The following MNAT1 variants were observed in gnomAD, a reference collection of about 807,000 sequenced individuals.
The protein encoded by MNAT1 is MNAT1 component of CDK activating kinase, also known as CDK-activating kinase assembly factor MAT1.
In MNAT1, 43 loss-of-function variants were observed where a neutral mutation model predicts 42.0. The ratio of observed to expected loss-of-function variants is 1.02; its 90% CI spans 0.80 to 1.32. The LOEUF is 1.32. Among genes scored for constraint, MNAT1 ranks in the 40% most tolerant of loss-of-function variants. The probability of loss-of-function intolerance (pLI) is 0.00; values close to 1 mark genes in which losing one functional copy is unlikely to be tolerated. For missense variants in MNAT1, 306 were observed against 350.4 expected (o/e 0.87, Z 1.01); for synonymous variants, 118 against 120.0 (o/e 0.98, Z 0.11).
chr14:60,856,683 CTTTT>C (rs112853589), intron 6 of MNAT1, among the ~76,000 whole-genome samples: 1 of 135,252 alleles, frequency 7.4e-6, no homozygotes, highest in African/African-American at 2.7e-5. Context: ...TGCTCATTCG[CTTTT>C]TTTTTTTTTT....
At chr14:60,765,601 A>G (rs898064492) in intron 1 of MNAT1, among the ~76,000 whole-genome samples, 7 of 152,260 alleles carry the variant, frequency 4.6e-5, no homozygotes, top group African/African-American at 1.7e-4. Flanking sequence ...TAGTGACAAG[A>G]AAGCTGTATA....
Position 60,845,417 on chromosome 14 carries a change from A to G in MNAT1, c.687+26570A>G, listed in dbSNP as rs148398776. Among the ~76,000 whole-genome samples, 785 of 152,152 alleles carry G rather than the reference A, an allele frequency of 5.2e-3. 13 individuals are homozygous for G. The highest frequency in any genetic ancestry group is 0.018 in the African/African-American group (733 of 41,562). ...TATTTTCTTAATTCTTTAAATGCCT[A>G]TAAGAGTTACACTGCTAATTTTTAG... On this transcript the variant is annotated intron_variant, in intron 6 of 7. Transcript: ENST00000261245.
intron 1 of MNAT1, chr14:60,780,245 A>G: frequency 1.4e-6 from 2 of 1,440,550 alleles, no homozygotes; most frequent in East Asian, 2.3e-5. Flanking sequence ...AGTTATCTCA[A>G]ATATTGAAAG....
chr14:60,927,555 T>G (rs1306233026), intron 7 of MNAT1, among the ~76,000 whole-genome samples: 1 of 152,216 alleles, frequency 6.6e-6, no homozygotes, highest in East Asian at 1.9e-4. Flanking sequence ...TACTTGGAGT[T>G]TAATACTCTG....
chr14:60,813,327 G>T (rs2032613541), intron 5 of MNAT1, among the ~76,000 whole-genome samples: 1 of 152,190 alleles, frequency 6.6e-6, no homozygotes, highest in African/African-American at 2.4e-5. Flanking sequence ...TCACCCACGT[G>T]CTCCCTCCCA....
chr14:60,952,665 T>A (rs1427611542), intron 7 of MNAT1, among the ~76,000 whole-genome samples: 4 of 152,098 alleles, frequency 2.6e-5, no homozygotes, highest in African/African-American at 9.7e-5. Context: ...AAAGGTGAGT[T>A]CGATTATGAA....
At chr14:60,867,481 A>G (rs2139443347) in intron 6 of MNAT1, among the ~76,000 whole-genome samples, 1 of 152,184 alleles carries the variant, frequency 6.6e-6, no homozygotes, top group South Asian at 2.1e-4. Flanking sequence ...TTATTCCCAA[A>G]CATACATTCA....
At chr14:60,798,706 A>T (rs1213705131) in intron 3 of MNAT1, among the ~76,000 whole-genome samples, 4 of 152,170 alleles carry the variant, frequency 2.6e-5, no homozygotes, top group African/African-American at 9.6e-5. Context: ...GGAAGATTTT[A>T]TCAAGAAAAA....
chr14:60,871,835 C>A (rs2034331392), intron 6 of MNAT1, among the ~76,000 whole-genome samples: 1 of 152,004 alleles, frequency 6.6e-6, no homozygotes, highest in South Asian at 2.1e-4. Flanking sequence ...GTCGGCCAGG[C>A]TGGTCTTGAA....
chr14:60,783,537 C>G (rs1594750894), intron 1 of MNAT1, among the ~76,000 whole-genome samples: 1 of 152,200 alleles, frequency 6.6e-6, no homozygotes, highest in African/African-American at 2.4e-5. Context: ...TGTGCTCTAG[C>G]CCAGGCTGGA....
At chr14:60,838,070 G>T (rs1447218191) in intron 6 of MNAT1, among the ~76,000 whole-genome samples, 1 of 151,894 alleles carries the variant, frequency 6.6e-6, no homozygotes, top group Non-Finnish European at 1.5e-5. Flanking sequence ...GATCAGCCTG[G>T]CTAGAGGTTT....
intron 7 of MNAT1, among the ~76,000 whole-genome samples, chr14:60,927,417 T>C (rs1030787927): frequency 3.3e-5 from 5 of 152,178 alleles, no homozygotes; most frequent in Non-Finnish European, 7.3e-5. Flanking sequence ...GATTCAGTGA[T>C]TTTTGGTAAA....
rs185713326 is a variant in MNAT1 at position 60,764,979 on chromosome 14, G to A, written c.89+30028G>A. Among the ~76,000 whole-genome samples the A allele has an allele frequency of 1.7e-4, 26 of 152,280 alleles. 2 individuals are homozygous for A. In the East Asian group the frequency reaches 4.8e-3, roughly 28 times the overall value. On this transcript the variant is annotated intron_variant, in intron 1 of 7. Transcript: ENST00000261245. ...AGAGTTTGGAATATAGGCCAGGCGCGGTTGCTCATGCTTGTAATCCCAGCA... is the reference window on the plus strand; with the variant it reads ...AGAGTTTGGAATATAGGCCAGGCGCAGTTGCTCATGCTTGTAATCCCAGCA...
intron 1 of MNAT1, among the ~76,000 whole-genome samples, chr14:60,762,429 C>T (rs1021701985): frequency 4.6e-5 from 7 of 151,940 alleles, no homozygotes; most frequent in Admixed American, 3.9e-4. Flanking sequence ...CCTGTAATCC[C>T]AGCAATTTAG....
rs148958885 is a variant in MNAT1, at chr14:60,951,992, G to A, written c.810-16237G>A. Reference sequence around the variant, plus strand: ...CCTTTTCCACCCATGCCCCAGATGGGTTGCAAGCTTTCTTGTGACTATACC... The same window carrying A: ...CCTTTTCCACCCATGCCCCAGATGGATTGCAAGCTTTCTTGTGACTATACC... On this transcript the variant is annotated intron_variant, in intron 7 of 7. Coordinates refer to ENST00000261245, the MANE Select transcript of MNAT1 (RefSeq NM_002431.4). 3.6e-3 allele frequency among the ~76,000 whole-genome samples: 554 copies of A among 152,180 alleles called. 3 individuals carry two copies. Among genetic ancestry groups the A allele is most frequent in the Non-Finnish European group, 5.9e-3 (403 of 68,002 alleles).
At chr14:60,882,197 A>T (rs548678469) in intron 7 of MNAT1, among the ~76,000 whole-genome samples, 10 of 150,846 alleles carry the variant, frequency 6.6e-5, no homozygotes, top group Non-Finnish European at 1.3e-4. Flanking sequence ...CATTCTAACT[A>T]TTTTTTTTTC....
intron 1 of MNAT1, among the ~76,000 whole-genome samples, chr14:60,760,455 A>G (rs979168452): frequency 2.0e-5 from 3 of 152,208 alleles, no homozygotes; most frequent in Non-Finnish European, 4.4e-5. Context: ...TGGGGTTACA[A>G]TTAACACCTC....
chr14:60,745,087 C>T (rs1162077378), intron 1 of MNAT1, among the ~76,000 whole-genome samples: 6 of 152,240 alleles, frequency 3.9e-5, no homozygotes, highest in Admixed American at 2.6e-4. Context: ...ATTCTGATCT[C>T]TGCCTATTTG....
intron 1 of MNAT1, among the ~76,000 whole-genome samples, chr14:60,794,546 A>AT (rs1160366800): frequency 1.4e-5 from 2 of 147,670 alleles, no homozygotes; most frequent in African/African-American, 5.0e-5. Flanking sequence ...TGTGCTTGTT[A>AT]TCCCAGCTAC....
Sources: allele counts gnomAD v4.1 joint callset (sites outside exome capture counted in the v4.1 genomes callset), GRCh38; gene constraint gnomAD v4.1.1; transcripts MANE v1.5; gene names NCBI Gene and HGNC (gene_info 2026-07-23, HGNC 2026-07-21).